Variants in BANK1 observed in about 807,000 individuals in gnomAD.
BANK1 encodes B cell scaffold protein with ankyrin repeats 1.
In BANK1, 95 loss-of-function variants were observed where a neutral mutation model predicts 94.5. The observed-to-expected ratio is 1.00, with a 90% confidence interval of 0.85 to 1.19. BANK1 has a LOEUF of 1.19. Ranked by LOEUF, BANK1 falls within the 50% of genes most tolerant of loss-of-function variation. The pLI is 0.00. For synonymous variants in BANK1, 334 were observed against 308.4 expected (o/e 1.08, Z -0.87); for missense variants, 987 against 932.2 (o/e 1.06, Z -0.77).
At chr4:101,942,219 G>C (rs182011359) in intron 7 of BANK1, among the ~76,000 whole-genome samples, 22 of 152,020 alleles carry the variant, frequency 1.4e-4, no homozygotes, top group Admixed American at 1.3e-3. Flanking sequence ...TTCTGCAGCT[G>C]CATCAAACAA....
At chr4:101,810,102 T>G (rs1422234881) in intron 1 of BANK1, among the ~76,000 whole-genome samples, 1 of 152,128 alleles carries the variant, frequency 6.6e-6, no homozygotes, top group East Asian at 1.9e-4. Context: ...CTTGGCCCAG[T>G]ATCACTGGCT....
intron 7 of BANK1, among the ~76,000 whole-genome samples, chr4:101,989,216 G>A (rs188056443): frequency 1.4e-3 from 208 of 151,956 alleles, no homozygotes; most frequent in Non-Finnish European, 2.3e-3. Flanking sequence ...AGGCCGAGGC[G>A]GGCGGATGAC....
intron 6 of BANK1, among the ~76,000 whole-genome samples, chr4:101,901,390 T>C (rs1282978459): frequency 2.0e-5 from 3 of 152,084 alleles, no homozygotes; most frequent in Non-Finnish European, 4.4e-5. Flanking sequence ...GTAGAACAGG[T>C]CTATGTAAAA....
intron 5 of BANK1, among the ~76,000 whole-genome samples, chr4:101,877,499 T>C (rs1274045350): frequency 6.6e-6 from 1 of 152,192 alleles, no homozygotes; most frequent in Non-Finnish European, 1.5e-5. Context: ...TCTAATAAGA[T>C]ATAAATAGAA....
At chr4:101,952,422 A>G (rs1343206557) in intron 7 of BANK1, among the ~76,000 whole-genome samples, 2 of 152,170 alleles carry the variant, frequency 1.3e-5, no homozygotes, top group Non-Finnish European at 2.9e-5. Flanking sequence ...TTCTAAAGAC[A>G]AGAACCATCT....
intron 7 of BANK1, among the ~76,000 whole-genome samples, chr4:101,994,908 A>G (rs1324769214): frequency 1.3e-5 from 2 of 152,030 alleles, no homozygotes; most frequent in Non-Finnish European, 2.9e-5. Context: ...TTTTATCCCA[A>G]CTTTTGAATT....
At chr4:101,932,017 G>T (rs995682356) in intron 7 of BANK1, among the ~76,000 whole-genome samples, 3 of 151,610 alleles carry the variant, frequency 2.0e-5, no homozygotes, top group African/African-American at 7.2e-5. Context: ...GTTTGTTTAA[G>T]ATCCTGTGGT....
intron 7 of BANK1, among the ~76,000 whole-genome samples, chr4:101,941,942 C>G (rs1009146267): frequency 6.6e-6 from 1 of 151,766 alleles, no homozygotes; most frequent in South Asian, 2.1e-4. Flanking sequence ...ACTGAAACTC[C>G]TCAACCATGA....
chr4:101,797,115 A>G (rs1437386707), intron 1 of BANK1, among the ~76,000 whole-genome samples: 2 of 152,172 alleles, frequency 1.3e-5, no homozygotes, highest in Non-Finnish European at 2.9e-5. Flanking sequence ...CCATTAAGTT[A>G]TACATAGTGT....
At chr4:101,874,358 A>G (rs1391438872) in intron 5 of BANK1, among the ~76,000 whole-genome samples, 1 of 152,204 alleles carries the variant, frequency 6.6e-6, no homozygotes, top group Non-Finnish European at 1.5e-5. Flanking sequence ...ATTAAAGCTT[A>G]GATGTTAGCA....
At chr4:101,831,349 C>T (rs916673544) in intron 2 of BANK1, among the ~76,000 whole-genome samples, 6 of 152,176 alleles carry the variant, frequency 3.9e-5, no homozygotes, top group African/African-American at 1.4e-4. Flanking sequence ...CCTATATCAA[C>T]CCCAAATGGT....
At chr4:101,951,878 AT>A (rs1226299146) in intron 7 of BANK1, among the ~76,000 whole-genome samples, 1 of 151,758 alleles carries the variant, frequency 6.6e-6, no homozygotes, top group African/African-American at 2.4e-5. Context: ...AACAAAAAAA[AT>A]AAAGAATGTG....
intron 5 of BANK1, among the ~76,000 whole-genome samples, chr4:101,891,440 T>C (rs1721866078): frequency 6.6e-6 from 1 of 152,070 alleles, no homozygotes; most frequent in Admixed American, 6.5e-5. Context: ...TTTCCAGAAG[T>C]TTTATGATTA....
intron 2 of BANK1, among the ~76,000 whole-genome samples, chr4:101,842,191 G>A (rs1727073949): frequency 6.6e-6 from 1 of 152,168 alleles, no homozygotes; most frequent in Admixed American, 6.5e-5. Context: ...CAGAAGTGGG[G>A]AAGAATCTGG....
intron 5 of BANK1, among the ~76,000 whole-genome samples, chr4:101,894,534 A>T (rs533094717): frequency 4.6e-5 from 7 of 152,060 alleles, no homozygotes; most frequent in Admixed American, 1.3e-4. Flanking sequence ...ATTTTTGGAA[A>T]TCCTTTCAAA....
intron 4 of BANK1, 21 bp from the exon 5 acceptor site, chr4:101,870,484 C>T: frequency 6.2e-7 from 1 of 1,605,452 alleles, no homozygotes; most frequent in South Asian, 1.1e-5. Context: ...CTGCCCCTAA[C>T]CCTTGTTTGT....
At chr4:101,873,220 A>G (rs1455409977) in intron 5 of BANK1, among the ~76,000 whole-genome samples, 1 of 152,168 alleles carries the variant, frequency 6.6e-6, no homozygotes, top group East Asian at 1.9e-4. Flanking sequence ...TACTGTTTAT[A>G]TGTCAGAATA....
intron 6 of BANK1, among the ~76,000 whole-genome samples, chr4:101,917,618 T>C (rs1722869979): frequency 6.6e-6 from 1 of 151,956 alleles, no homozygotes; most frequent in South Asian, 2.1e-4. Flanking sequence ...TATAAAATTA[T>C]TTTATAGATG....
Position 101,829,838 on chromosome 4 carries a change from A to G in BANK1, c.101A>G (p.Glu34Gly). Residue 34 changes from glutamate (E) to glycine (G), a missense_variant, in exon 2 of 17, where the codon GAA becomes GGA. Coordinates refer to ENST00000322953, the MANE Select transcript of BANK1 (RefSeq NM_017935.5). Reference sequence around the variant, plus strand: ...ACAAAAGATATAATAATGATATATGAAGAAGATGCTGAGGAATGGGCTCTG... The same window carrying G: ...ACAAAAGATATAATAATGATATATGGAGAAGATGCTGAGGAATGGGCTCTG... ...GNTKDIIMIY[E>G]EDAEEWALYL... The G allele has an allele frequency of 6.4e-7, 1 of 1,569,012 alleles. No individual in the cohort carries two copies. Among genetic ancestry groups the G allele is most frequent in the Non-Finnish European group, 8.6e-7 (1 of 1,160,150 alleles).
Sources: gnomAD v4.1 joint callset for allele counts (sites outside exome capture counted in the v4.1 genomes callset) on GRCh38, gnomAD v4.1.1 for gene constraint, MANE v1.5 for transcripts, NCBI Gene and HGNC (gene_info 2026-07-23, HGNC 2026-07-21) for gene names.